Variants in MGAT4D observed in about 807,000 individuals in gnomAD.
The protein encoded by MGAT4D is alpha-1,3-mannosyl-glycoprotein 4-beta-N-acetylglucosaminyltransferase-like protein MGAT4D.
MGAT4D carries 34 observed loss-of-function variants against 15.9 expected under a neutral mutation model. That is an observed-to-expected ratio of 2.14 (90% CI 1.62 to 2.84). The LOEUF (loss-of-function observed/expected upper bound fraction) is 2.84. Ranked by LOEUF, MGAT4D falls within the 30% of genes most tolerant of loss-of-function variation. The probability of loss-of-function intolerance (pLI) is 0.00; values close to 1 mark genes in which losing one functional copy is unlikely to be tolerated. For synonymous variants in MGAT4D, 112 were observed against 48.2 expected (o/e 2.33, Z -5.49); for missense variants, 327 against 140.2 (o/e 2.33, Z -6.73).
At chr4:140,475,349 A>G (rs1456890357) in intron 3 of MGAT4D, among the ~76,000 whole-genome samples, 2 of 152,186 alleles carry the variant, frequency 1.3e-5, no homozygotes, top group African/African-American at 4.8e-5. Flanking sequence ...AAATATTTTC[A>G]TCTGTGAAAG....
intron 5 of MGAT4D, among the ~76,000 whole-genome samples, chr4:140,469,208 T>A (rs1467651717): frequency 6.6e-6 from 1 of 152,200 alleles, no homozygotes; most frequent in African/African-American, 2.4e-5. Context: ...AATAGAAATA[T>A]AATGAACCCC....
chr4:140,464,580 G>A (rs1218620354), intron 6 of MGAT4D, among the ~76,000 whole-genome samples: 1 of 152,136 alleles, frequency 6.6e-6, no homozygotes, highest in East Asian at 1.9e-4. Flanking sequence ...ATTATTGTCT[G>A]TAAATGTGAA....
At chr4:140,456,819 C>T in intron 8 of MGAT4D, 100 bp from the exon 9 acceptor site, 1 of 516,642 alleles carries the variant, frequency 1.9e-6, no homozygotes, top group South Asian at 3.0e-5. Context: ...AAATATGTCC[C>T]ATTCCTTAGA....
chr4:140,498,019 G>C (rs117691372), intron 1 of MGAT4D, 110 bp downstream of exon 1: 2 of 549,912 alleles, frequency 3.6e-6, no homozygotes, highest in Non-Finnish European at 6.4e-6. Flanking sequence ...GGCGGCCGCC[G>C]CCAGCTTCCC....
At chr4:140,494,342 C>T (rs1181004516) in intron 1 of MGAT4D, among the ~76,000 whole-genome samples, 2 of 152,160 alleles carry the variant, frequency 1.3e-5, no homozygotes, top group African/African-American at 4.8e-5. Context: ...AGAATGTTCT[C>T]GCAGCATTAT....
chr4:140,472,666 C>T (rs768966416), intron 4 of MGAT4D, among the ~76,000 whole-genome samples: 4 of 152,188 alleles, frequency 2.6e-5, no homozygotes, highest in South Asian at 2.1e-4. Flanking sequence ...ATTTTAAACA[C>T]GGCGTCAAAG....
chr4:140,497,847 A>G (rs1334746735), intron 1 of MGAT4D, among the ~76,000 whole-genome samples: 1 of 152,192 alleles, frequency 6.6e-6, no homozygotes, highest in Admixed American at 6.5e-5. Flanking sequence ...CTTTGAGGAA[A>G]AGGGAGCGGC....
chr4:140,464,517 C>G (rs67255527), intron 6 of MGAT4D, among the ~76,000 whole-genome samples: 29,424 of 152,110 alleles, frequency 0.19, 2,917 homozygotes, highest in South Asian at 0.28. Context: ...GAATCCAGCT[C>G]TAATGATTTA....
At chr4:140,465,138 C>T (rs1465241498) in intron 5 of MGAT4D, 129 bp from the exon 6 acceptor site, 2 of 546,480 alleles carry the variant, frequency 3.7e-6, no homozygotes, top group Non-Finnish European at 6.5e-6. Context: ...CATGTTGATA[C>T]ATGATACCAG....
At chr4:140,496,837 TA>T (rs11377340) in intron 1 of MGAT4D, among the ~76,000 whole-genome samples, 4,541 of 150,794 alleles carry the variant, frequency 0.03, 106 homozygotes, top group Non-Finnish European at 0.042. Context: ...AACTCTGTCT[TA>T]AAAAAAAAAT....
At chr4:140,478,572 G>C (rs924273587) in intron 3 of MGAT4D, among the ~76,000 whole-genome samples, 1 of 152,088 alleles carries the variant, frequency 6.6e-6, no homozygotes, top group African/African-American at 2.4e-5. Flanking sequence ...GTTTTTTCAG[G>C]TGTAAAACAG....
chr4:140,451,737 C>T (rs79266481), intron 9 of MGAT4D, among the ~76,000 whole-genome samples: 2,409 of 152,182 alleles, frequency 0.016, 58 homozygotes, highest in African/African-American at 0.055. Flanking sequence ...TTTGCATGAA[C>T]TCTGTCTTAG....
intron 10 of MGAT4D, 90 bp downstream of exon 10, chr4:140,451,320 A>G (rs1039258985): frequency 9.7e-6 from 4 of 412,766 alleles, no homozygotes; most frequent in African/African-American, 8.2e-5. Flanking sequence ...CATATTTTAT[A>G]GTGTCTTATG....
chr4:140,482,157 A>G (rs539860538), intron 2 of MGAT4D, among the ~76,000 whole-genome samples, 170 bp downstream of exon 2: 1 of 152,344 alleles, frequency 6.6e-6, no homozygotes, highest in Admixed American at 6.5e-5. Context: ...TTCGAGGTCA[A>G]GATGAGAAGA....
intron 10 of MGAT4D, among the ~76,000 whole-genome samples, chr4:140,447,598 T>C (rs1658309231): frequency 6.6e-6 from 1 of 152,022 alleles, no homozygotes; most frequent in Non-Finnish European, 1.5e-5. Flanking sequence ...AGAGTCACTG[T>C]ATGTGAGATG....
intron 1 of MGAT4D, among the ~76,000 whole-genome samples, chr4:140,491,399 G>C (rs73856648): frequency 1.3e-3 from 204 of 152,156 alleles, no homozygotes; most frequent in African/African-American, 4.7e-3. Context: ...CACCAATTCA[G>C]GGGCTGAGGA....
chr4:140,443,723 T>C (rs1729915942), intron 10 of MGAT4D, among the ~76,000 whole-genome samples: 5 of 152,094 alleles, frequency 3.3e-5, no homozygotes, highest in Admixed American at 2.6e-4. Flanking sequence ...AGTCAGATTA[T>C]CATTACAGCC....
rs1182992513 is a variant in MGAT4D, at chr4:140,442,467, T to A, written c.*969A>T. Reference sequence around the variant, plus strand: ...GAATAACATCAAGAAGAAAAATAGATTTTAATGGGCCCCTGTAGAAACTGA... The same window carrying A: ...GAATAACATCAAGAAGAAAAATAGAATTTAATGGGCCCCTGTAGAAACTGA... On this transcript the variant is annotated 3_prime_UTR_variant, in exon 11 of 11. Transcript: ENST00000511113. The A allele has an allele frequency of 6.6e-6, 1 of 152,200 alleles. No homozygotes were observed. Among genetic ancestry groups the A allele is most frequent in the African/African-American group, 2.4e-5 (1 of 41,540 alleles). The allele number at this position is 152,200 out of a possible 1,614,324, so 9.4% of individuals were successfully genotyped here. A position where few individuals can be genotyped will look rare whatever the true frequency, so the allele number is the denominator to read the frequency against.
At chr4:140,461,880 T>TACACACACACAC (rs10644682) in intron 7 of MGAT4D, 49 bp downstream of exon 7, 15 of 535,376 alleles carry the variant, frequency 2.8e-5, no homozygotes, top group African/African-American at 2.0e-4. Flanking sequence ...AATTGGTGTA[T>TACACACACACAC]ACACACACAC....
Sources: allele counts gnomAD v4.1 joint callset (sites outside exome capture counted in the v4.1 genomes callset), GRCh38; gene constraint gnomAD v4.1.1; transcripts MANE v1.5; gene names NCBI Gene and HGNC (gene_info 2026-07-23, HGNC 2026-07-21).